Variants in OSBPL7 observed in about 807,000 individuals in gnomAD.
OSBPL7 encodes oxysterol binding protein like 7, also known as oxysterol-binding protein-related protein 7.
OSBPL7 carries 66 observed loss-of-function variants against 115.8 expected under a neutral mutation model. The observed-to-expected ratio is 0.57, with a 90% CI of 0.47 to 0.70. OSBPL7 has a LOEUF of 0.70. OSBPL7 is among the 30% of genes least tolerant of loss of function. The probability of loss-of-function intolerance (pLI) is 0.00; values close to 1 mark genes in which losing one functional copy is unlikely to be tolerated. For synonymous variants in OSBPL7, 441 were observed against 439.2 expected, an observed-to-expected ratio of 1.00 and a Z score of -0.05; for missense variants, 902 against 1,125.5, an observed-to-expected ratio of 0.80 and a Z score of 2.84.
intron 12 of OSBPL7, 117 bp downstream of exon 12, chr17:47,815,990 A>C: frequency 1.3e-6 from 1 of 787,822 alleles, no homozygotes; most frequent in Non-Finnish European, 2.0e-6. Flanking sequence ...TGGAGCCAGG[A>C]TTTTTGGGCT....
Position 47,819,612 on chromosome 17 carries a change from C to T in OSBPL7, c.255+117G>A. ...AACTTGCCCGAGATCACACATTCAG[C>T]AAGTGGTGGACCTGGGATTCAGACC... On this transcript the variant is annotated intron_variant, in intron 4 of 22. Transcript: ENST00000007414. The T allele has an allele frequency of 2.4e-6, 3 of 1,225,876 alleles. No individual in the cohort carries two copies. The South Asian group carries it at 3.8e-5, about 16-fold the overall frequency. 75.9% of individuals were successfully genotyped at this position (1,225,876 alleles called of 1,614,324 possible).
At position 47,816,317 on chromosome 17, in the gene OSBPL7, G is replaced by A. The variant is rs151121550; in HGVS notation, c.1023+71C>T. The A allele has an allele frequency of 5.5e-4, 816 of 1,484,734 alleles. 3 individuals carry two copies. The African/African-American group carries it at 6.6e-3, about 12-fold the overall frequency. 92.0% of individuals were successfully genotyped at this position (1,484,734 alleles called of 1,614,324 possible). A position where few individuals can be genotyped will look rare whatever the true frequency, so the allele number is the denominator to read the frequency against. On this transcript the variant is annotated intron_variant, in intron 11 of 22. Coordinates refer to ENST00000007414, the MANE Select transcript of OSBPL7 (RefSeq NM_145798.3). The surrounding 1 kb of genome is among the most constrained non-coding windows in gnomAD (Gnocchi z 5.8). ...CCCACCCTGACCCAGATCTGCTATC[G>A]GACCCCAGGCTGGCAGTCCTCAGCT...
rs1251610815 is a variant in OSBPL7, at chr17:47,816,517, C to A, written c.929-35G>T. ...GTGGGGCAGACCATCAGAGTCCTCGCTCGCTCCTGTCCGCTCCCCACCAGC... is the reference window on the plus strand; with the variant it reads ...GTGGGGCAGACCATCAGAGTCCTCGATCGCTCCTGTCCGCTCCCCACCAGC... On this transcript the variant is annotated intron_variant, in intron 10 of 22. Transcript: ENST00000007414. This position sits in a 1 kb window ranked among gnomAD's most constrained non-coding sequence, Gnocchi z 5.8. 1 of 1,571,960 alleles carries A rather than the reference C, an allele frequency of 6.4e-7. No individual in the cohort carries two copies. Among genetic ancestry groups the A allele is most frequent in the Admixed American group, 1.8e-5 (1 of 54,092 alleles).
At chr17:47,814,279 T>C (rs571654331) in intron 14 of OSBPL7, among the ~76,000 whole-genome samples, 2 of 152,254 alleles carry the variant, frequency 1.3e-5, no homozygotes, top group African/African-American at 4.8e-5. Flanking sequence ...TCCAAGGCCC[T>C]AGGCAAGCCT....
chr17:47,816,395 C>A lies in OSBPL7; in HGVS notation c.1016G>T (p.Arg339Ile). 1 of 1,515,406 alleles carries A rather than the reference C, an allele frequency of 6.6e-7. No homozygotes were observed. Among genetic ancestry groups the A allele is most frequent in the South Asian group, 1.3e-5 (1 of 77,400 alleles). The allele number at this position is 1,515,406 out of a possible 1,614,324, so 93.9% of individuals were successfully genotyped here. A position where few individuals can be genotyped will look rare whatever the true frequency, so the allele number is the denominator to read the frequency against. ...RDMHQGSELS[R>I]MGVSEASTGQ... is the part of the protein sequence containing the mutation. The stretch of plus-strand genomic sequence containing the variant: ...CTGTCCCCCAGGCCTCACCCCCATT[C>A]TTGACAACTCTGAGCCCTGGTGCAT... The change falls in exon 11 of 23, where the codon AGA becomes ATA. Residue 339 changes from arginine to isoleucine, a missense_variant. By Grantham distance (97) the Arg-to-Ile change is moderately conservative (BLOSUM62 -3). Transcript: ENST00000007414. This position sits in a 1 kb window ranked among gnomAD's most constrained non-coding sequence, Gnocchi z 5.8.
chr17:47,813,968 C>G (rs2033133433), intron 14 of OSBPL7, 134 bp from the exon 15 acceptor site: 1 of 1,218,146 alleles, frequency 8.2e-7, no homozygotes, highest in Non-Finnish European at 1.1e-6. Flanking sequence ...TGTCTCGACT[C>G]ACAGCAGGGC....
At chr17:47,818,702 C>G in intron 5 of OSBPL7, 86 bp from the exon 6 acceptor site, 1 of 1,149,464 alleles carries the variant, frequency 8.7e-7, no homozygotes, top group Non-Finnish European at 1.3e-6. Flanking sequence ...GGTCCCCAGA[C>G]AAGCAGGGTC....
At chr17:47,819,926 C>G in intron 3 of OSBPL7, 45 bp downstream of exon 3, 1 of 1,537,892 alleles carries the variant, frequency 6.5e-7, no homozygotes, top group Non-Finnish European at 8.9e-7. Flanking sequence ...CCCATTCCCA[C>G]CCCGCCCCCC....
chr17:47,809,343 G>A lies in OSBPL7; in HGVS notation c.2016C>T (p.Thr672=). 6.2e-7 allele frequency: 1 copy of A among 1,614,038 alleles called. No individual in the cohort carries two copies. The highest frequency in any genetic ancestry group is 8.5e-7 in the Non-Finnish European group (1 of 1,179,894). The change falls in exon 19 of 23, where the codon ACC becomes ACT. Residue 672 remains threonine, a synonymous_variant. Coordinates refer to ENST00000007414, the MANE Select transcript of OSBPL7 (RefSeq NM_145798.3). ...AGGGTGGCACACACACCTTGCAGAA[G>A]GTGATCTTGCAGTGGCAGGAGCTGT... is the stretch of plus-strand genomic sequence containing the variant. ...TQDSSCHCKI[T]FCKAKYWSSN...
chr17:47,816,120 A>C lies in OSBPL7; in HGVS notation c.1106T>G (p.Leu369Arg). The C allele has an allele frequency of 6.4e-7, 1 of 1,551,224 alleles. No homozygotes were observed. Among genetic ancestry groups the C allele is most frequent in the Non-Finnish European group, 8.7e-7 (1 of 1,146,826 alleles). ...SDTTADSFSS[L>R]NPEEQEALYM... ...CTGGCTCCTCACCTCCTCAGGGTTG[A>C]GGGAGCTGAAAGAGTCCGCCGTGGT... Residue 369 changes from leucine (L) to arginine (R), a missense_variant, in exon 12 of 23, where the codon CTC (leucine) becomes CGC (arginine). By Grantham distance (102) the Leu-to-Arg change is moderately radical. Around this residue, in one of 3 missense-constraint regions of OSBPL7, gnomAD observed 667 missense variants for 788.7 expected, o/e 0.85. Coordinates refer to ENST00000007414, the MANE Select transcript of OSBPL7 (RefSeq NM_145798.3). The surrounding 1 kb of genome is among the most constrained non-coding windows in gnomAD (Gnocchi z 5.8).
intron 4 of OSBPL7, 97 bp downstream of exon 4, chr17:47,819,632 C>T (rs2033334372): frequency 1.4e-6 from 2 of 1,447,338 alleles, no homozygotes; most frequent in African/African-American, 1.4e-5. Flanking sequence ...ACCTGGGATT[C>T]AGACCCTGCT....
At position 47,816,661 on chromosome 17, in the gene OSBPL7, G is replaced by C. The variant is rs763748481; in HGVS notation, c.830C>G (p.Ser277Cys). 2 of 1,614,126 alleles carry C rather than the reference G, an allele frequency of 1.2e-6. No individual in the cohort carries two copies. Among genetic ancestry groups the C allele is most frequent in the South Asian group, 2.2e-5 (2 of 91,082 alleles). Residue 277 changes from serine (S) to cysteine (C), a missense_variant, in exon 10 of 23, where the codon TCT (serine) becomes TGT (cysteine). Ser to Cys is a moderately radical substitution (Grantham distance 112). This residue lies in a region of OSBPL7 where 667 missense variants were observed against 788.7 expected (regional missense o/e 0.85). Coordinates refer to ENST00000007414, the MANE Select transcript of OSBPL7 (RefSeq NM_145798.3). This position sits in a 1 kb window ranked among gnomAD's most constrained non-coding sequence, Gnocchi z 5.8. ...GRLHGSVPNLSRYLESRDSSG... is the reference protein window; with the variant it reads ...GRLHGSVPNLCRYLESRDSSG... ...GGAGTCCCGAGACTCCAGGTAGCGA[G>C]ACAGGTTGGGAACAGAGCCATGGAG...
chr17:47,818,937 C>A, intron 5 of OSBPL7, 49 bp downstream of exon 5: 1 of 1,496,802 alleles, frequency 6.7e-7, no homozygotes, highest in Admixed American at 1.7e-5. Flanking sequence ...GTTCCAATGC[C>A]TCTGTCAGGT....
chr17:47,819,147 T>C, intron 4 of OSBPL7, 48 bp from the exon 5 acceptor site: 1 of 1,524,670 alleles, frequency 6.6e-7, no homozygotes, highest in Non-Finnish European at 9.1e-7. Flanking sequence ...TTTTAGGCTC[T>C]CAGAGCCATA....
In OSBPL7 at chr17:47,808,362, T is replaced by G; in HGVS notation, c.2458A>C (p.Thr820Pro). 1 of 1,613,914 alleles carries G rather than the reference T, an allele frequency of 6.2e-7. No homozygotes were observed. Among genetic ancestry groups the G allele is most frequent in the Non-Finnish European group, 8.5e-7 (1 of 1,179,932 alleles). The change falls in exon 23 of 23, where the codon ACC (threonine) becomes CCC (proline). Residue 820 changes from threonine to proline, a missense_variant. Physicochemically the swap from Thr to Pro is conservative, Grantham distance 38. Transcript: ENST00000007414. The surrounding 1 kb of genome is among the most constrained non-coding windows in gnomAD (Gnocchi z 6.1). Reference sequence around the variant, plus strand: ...CGCAGCCTCCAGTAGGTATTGTTGGTCACCCACCACTCTTTCCCGCTGCTA... The same window carrying G: ...CGCAGCCTCCAGTAGGTATTGTTGGGCACCCACCACTCTTTCCCGCTGCTA... ...TDSSGKEWWV[T>P]NNTYWRLRAE...
At position 47,820,115 on chromosome 17, in the gene OSBPL7, G is replaced by T; in HGVS notation, c.76-19C>A. ...CAGAGGCCTGCAGTCCAGGACAGAGGGAGGGGAGCACTGGTGAGACGTCCG... is the reference window on the plus strand; with the variant it reads ...CAGAGGCCTGCAGTCCAGGACAGAGTGAGGGGAGCACTGGTGAGACGTCCG... On this transcript the variant is annotated intron_variant, in intron 2 of 22. Transcript: ENST00000007414. 1 of 1,613,152 alleles carries T rather than the reference G, an allele frequency of 6.2e-7. No homozygotes were observed. The highest frequency in any genetic ancestry group is 8.5e-7 in the Non-Finnish European group (1 of 1,179,948).
chr17:47,811,887 T>A (rs1367213096), intron 16 of OSBPL7, among the ~76,000 whole-genome samples: 3 of 152,264 alleles, frequency 2.0e-5, no homozygotes, highest in African/African-American at 7.2e-5. Flanking sequence ...ACTTCGTTGT[T>A]CACATATGCG....
Position 47,813,384 on chromosome 17 carries a change from G to A in OSBPL7, c.1619C>T (p.Ala540Val). ...CERMVYIAAF[A>V]VSAYSSTYHR... ...GTATGTGGAGGAGTAGGCCGAGACAGCAAAGGCTGCGATGTACACCTGTGG... is the reference window on the plus strand; with the variant it reads ...GTATGTGGAGGAGTAGGCCGAGACAACAAAGGCTGCGATGTACACCTGTGG... The change falls in exon 16 of 23, where the codon GCT (alanine) becomes GTT (valine). Residue 540 changes from alanine to valine, a missense_variant. Around this residue, in one of 3 missense-constraint regions of OSBPL7, gnomAD observed 667 missense variants for 788.7 expected, o/e 0.85. Coordinates refer to ENST00000007414, the MANE Select transcript of OSBPL7 (RefSeq NM_145798.3). 6.2e-7 allele frequency: 1 copy of A among 1,614,008 alleles called. No individual in the cohort carries two copies. The highest frequency in any genetic ancestry group is 8.5e-7 in the Non-Finnish European group (1 of 1,180,048).
Position 47,809,114 on chromosome 17 carries a change from C to T in OSBPL7, c.2132G>A (p.Arg711Gln), listed in dbSNP as rs770376363. 2.3e-5 allele frequency: 37 copies of T among 1,613,984 alleles called. No individual in the cohort carries two copies. The highest frequency in any genetic ancestry group is 2.9e-5 in the Non-Finnish European group (34 of 1,180,040). ...GCACTGGCCACCTGGCGTGGGTCCC[C>T]GGTACAGCCCCTCGTGCCACTTCCC... ...LFGKWHEGLYRGPTPGGQCIW... is the reference protein window; with the variant it reads ...LFGKWHEGLYQGPTPGGQCIW... The change falls in exon 20 of 23, where the codon CGG becomes CAG. Residue 711 changes from arginine to glutamine, a missense_variant. Arg to Gln is a conservative substitution (Grantham distance 43, BLOSUM62 1). Around this residue, in one of 3 missense-constraint regions of OSBPL7, gnomAD observed 230 missense variants for 312.7 expected, o/e 0.74. Transcript: ENST00000007414.
Sources: gnomAD v4.1 joint callset for allele counts (sites outside exome capture counted in the v4.1 genomes callset) on GRCh38, gnomAD v4.1.1 for gene constraint, gnomAD v4.1.1 regional missense constraint, Gnocchi (gnomAD v3.1) non-coding constraint, MANE v1.5 for transcripts, NCBI Gene and HGNC (gene_info 2026-07-23, HGNC 2026-07-21) for gene names.